ATAD2: variants seen among roughly 807,000 people sequenced by gnomAD.
The protein encoded by ATAD2 is ATPase family AAA domain containing 2.
ATAD2 carries 62 observed loss-of-function variants against 168.9 expected under a neutral mutation model. The ratio of observed to expected loss-of-function variants is 0.37; its 90% confidence interval spans 0.30 to 0.45. The LOEUF is 0.45. Among genes scored for constraint, ATAD2 ranks in the 20% least tolerant of loss-of-function variants. The probability of loss-of-function intolerance (pLI) is 1.00; values close to 1 mark genes in which losing one functional copy is unlikely to be tolerated. For synonymous variants in ATAD2, 613 were observed against 571.6 expected, an observed-to-expected ratio of 1.07 and a Z score of -1.03; for missense variants, 1,419 against 1,667.8, an observed-to-expected ratio of 0.85 and a Z score of 2.60.
At chr8:123,394,597 T>G (rs1812743815) in intron 1 of ATAD2, among the ~76,000 whole-genome samples, 1 of 151,818 alleles carries the variant, frequency 6.6e-6, no homozygotes, top group Non-Finnish European at 1.5e-5. Context: ...ATCACACCAG[T>G]GCACTCCAGC....
intron 14 of ATAD2, 35 bp from the exon 15 acceptor site, chr8:123,348,308 T>C: frequency 1.5e-6 from 2 of 1,328,788 alleles, no homozygotes; most frequent in South Asian, 1.3e-5. Context: ...TTTACAACTA[T>C]AATAATAAAT....
At chr8:123,371,368 A>C in intron 4 of ATAD2, 30 bp from the exon 5 acceptor site, 1 of 1,534,256 alleles carries the variant, frequency 6.5e-7, no homozygotes, top group Non-Finnish European at 8.8e-7. Context: ...ATGTAAGTGA[A>C]AATTGTAAAA....
At chr8:123,385,807 A>G (rs1261289622) in intron 1 of ATAD2, among the ~76,000 whole-genome samples, 1 of 152,080 alleles carries the variant, frequency 6.6e-6, no homozygotes, top group East Asian at 1.9e-4. Flanking sequence ...ATATACACGC[A>G]TACATATATA....
chr8:123,354,888 T>TATATATATATATATATA (rs1828590688), intron 13 of ATAD2, among the ~76,000 whole-genome samples: 4 of 131,320 alleles, frequency 3.0e-5, no homozygotes, highest in African/African-American at 1.2e-4. Context: ...TATATATATA[T>TATATATATATATATATA]TTGAGATGGC....
At chr8:123,335,661 T>G (rs572462084) in intron 22 of ATAD2, among the ~76,000 whole-genome samples, 113 of 152,284 alleles carry the variant, frequency 7.4e-4, no homozygotes, top group African/African-American at 2.7e-3. Flanking sequence ...AACATATCAT[T>G]AAAAATCCTT....
At chr8:123,394,420 G>C (rs193231654) in intron 1 of ATAD2, among the ~76,000 whole-genome samples, 1 of 152,106 alleles carries the variant, frequency 6.6e-6, no homozygotes, top group Non-Finnish European at 1.5e-5. Flanking sequence ...ACCTGAGGTC[G>C]GAGTTCGAGA....
intron 1 of ATAD2, among the ~76,000 whole-genome samples, chr8:123,403,380 G>A (rs940050210): frequency 2.0e-5 from 3 of 151,280 alleles, no homozygotes; most frequent in East Asian, 3.9e-4. Context: ...GATTACAGGC[G>A]TGAGCCACTG....
chr8:123,333,231 C>CAAAAAAAAAA (rs71310667), intron 24 of ATAD2, among the ~76,000 whole-genome samples: 12 of 43,976 alleles, frequency 2.7e-4, no homozygotes, highest in Admixed American at 1.3e-3. Flanking sequence ...TCTAAAAATA[C>CAAAAAAAAAA]AAAAAAAAAA....
intron 2 of ATAD2, among the ~76,000 whole-genome samples, chr8:123,377,438 G>C (rs976452957): frequency 6.6e-6 from 1 of 151,960 alleles, no homozygotes; most frequent in African/African-American, 2.4e-5. Context: ...TTATAAACTT[G>C]AATAATGTAC....
intron 1 of ATAD2, among the ~76,000 whole-genome samples, chr8:123,386,913 CAAAA>C (rs34555745): frequency 1.1e-5 from 1 of 90,492 alleles, no homozygotes. Flanking sequence ...ACAATGTGGG[CAAAA>C]AAAAAAAAAA....
At chr8:123,351,352 G>A (rs983189345) in intron 13 of ATAD2, among the ~76,000 whole-genome samples, 8 of 152,112 alleles carry the variant, frequency 5.3e-5, no homozygotes, top group East Asian at 3.9e-4. Flanking sequence ...TGTCCTGTAC[G>A]TGTAAGATGT....
intron 27 of ATAD2, 79 bp from the exon 28 acceptor site, chr8:123,321,254 A>T (rs1827461041): frequency 8.2e-7 from 1 of 1,213,652 alleles, no homozygotes; most frequent in African/African-American, 1.5e-5. Flanking sequence ...CTTTTTCAGT[A>T]AACAACCTTA....
chr8:123,334,810 A>G (rs982741837), intron 22 of ATAD2, among the ~76,000 whole-genome samples: 3 of 152,220 alleles, frequency 2.0e-5, no homozygotes, highest in Non-Finnish European at 4.4e-5. Context: ...AAACTGGAAT[A>G]TGATTTGAGG....
chr8:123,364,368 A>G (rs1828909878), intron 8 of ATAD2, among the ~76,000 whole-genome samples: 1 of 152,102 alleles, frequency 6.6e-6, no homozygotes, highest in Non-Finnish European at 1.5e-5. Context: ...GTTTAAAAAC[A>G]TTGTAAACAC....
chr8:123,328,664 G>A (rs1827682230), intron 24 of ATAD2, 85 bp from the exon 25 acceptor site: 1 of 1,309,272 alleles, frequency 7.6e-7, no homozygotes, highest in Non-Finnish European at 1.0e-6. Flanking sequence ...ATATATGAAA[G>A]GATAAATAGT....
In ATAD2 at chr8:123,380,544, C is replaced by T; in HGVS notation, c.305G>A (p.Gly102Asp). ...NVEITEQLAN[G>D]RHFTRQLARQ... ...CTTGTATTACCTTGTAAAATGCCTG[C>T]CATTAGCAAGTTGCTCCGTTATTTC... Residue 102 changes from glycine to aspartate, a missense_variant, in exon 2 of 28, where the codon GGC becomes GAC. By Grantham distance (94) the Gly-to-Asp change is moderately conservative. Coordinates refer to ENST00000287394, the MANE Select transcript of ATAD2 (RefSeq NM_014109.4). The T allele has an allele frequency of 6.2e-7, 1 of 1,613,934 alleles. No individual in the cohort carries two copies. The highest frequency in any genetic ancestry group is 1.1e-5 in the South Asian group (1 of 91,072).
intron 3 of ATAD2, 59 bp downstream of exon 3, chr8:123,372,578 C>A: frequency 1.5e-6 from 2 of 1,342,946 alleles, no homozygotes; most frequent in Non-Finnish European, 2.0e-6. Context: ...CTCAAAAAAC[C>A]TGTAAACAGA....
upstream of ATAD2, chr8:123,396,459 C>G: frequency 7.7e-7 from 1 of 1,292,894 alleles, no homozygotes; most frequent in East Asian, 2.8e-5. Flanking sequence ...GCGCCACAAG[C>G]TCCGCGCCAG....
intron 1 of ATAD2, among the ~76,000 whole-genome samples, chr8:123,414,811 G>A (rs1481258161): frequency 1.3e-5 from 2 of 152,158 alleles, no homozygotes; most frequent in Non-Finnish European, 2.9e-5. Context: ...TGAGTCTGGG[G>A]CTGGGGCAGA....
Sources: allele counts gnomAD v4.1 joint callset (sites outside exome capture counted in the v4.1 genomes callset), GRCh38; gene constraint gnomAD v4.1.1; transcripts MANE v1.5; gene names NCBI Gene and HGNC (gene_info 2026-07-23, HGNC 2026-07-21).